The following SLC26A7 variants were observed in gnomAD, a reference collection of about 807,000 sequenced individuals.
SLC26A7 encodes the protein solute carrier family 26 member 7, also known as anion exchange transporter.
A neutral mutation model predicts 82.5 loss-of-function variants in SLC26A7; 59 were observed. The observed-to-expected ratio is 0.72, with a 90% confidence interval of 0.58 to 0.89. The LOEUF is 0.89. SLC26A7 is among the 40% of genes least tolerant of loss of function. SLC26A7 has a pLI of 0.00. For missense variants in SLC26A7, 820 were observed against 793.0 expected, an observed-to-expected ratio of 1.03 and a Z score of -0.41; for synonymous variants, 271 against 274.3, an observed-to-expected ratio of 0.99 and a Z score of 0.12.
intron 1 of SLC26A7, among the ~76,000 whole-genome samples, chr8:91,216,840 T>C (rs1038314363): frequency 6.6e-6 from 1 of 152,146 alleles, no homozygotes; most frequent in African/African-American, 2.4e-5. Context: ...TATCCCATGA[T>C]TTAACATTTT....
chr8:91,328,044 T>A (rs937101564), intron 5 of SLC26A7, among the ~76,000 whole-genome samples: 2 of 152,152 alleles, frequency 1.3e-5, no homozygotes, highest in African/African-American at 4.8e-5. Flanking sequence ...AAGTAATGTT[T>A]TGATTAATAG....
chr8:91,394,252 T>C (rs773939550), intron 18 of SLC26A7: 9 of 1,613,424 alleles, frequency 5.6e-6, no homozygotes, highest in Non-Finnish European at 7.6e-6. Flanking sequence ...AACTTGGATC[T>C]TCCAACAATG....
At chr8:91,225,468 C>G (rs1293205151) in intron 2 of SLC26A7, among the ~76,000 whole-genome samples, 1 of 151,872 alleles carries the variant, frequency 6.6e-6, no homozygotes, top group African/African-American at 2.4e-5. Flanking sequence ...ACTGCTCTTC[C>G]TTCTCTCGTG....
At chr8:91,221,218 TGG>T (rs1174625527) in intron 2 of SLC26A7, among the ~76,000 whole-genome samples, 2 of 152,198 alleles carry the variant, frequency 1.3e-5, no homozygotes, top group Non-Finnish European at 2.9e-5. Context: ...ATGGGGTTGT[TGG>T]TCTTTTTCTT....
intron 5 of SLC26A7, among the ~76,000 whole-genome samples, chr8:91,319,504 C>A (rs531957108): frequency 6.6e-6 from 1 of 152,158 alleles, no homozygotes; most frequent in African/African-American, 2.4e-5. Flanking sequence ...GATCTGAATT[C>A]GTATTTCTTA....
upstream of SLC26A7, among the ~76,000 whole-genome samples, chr8:91,248,211 G>T (rs964720793): frequency 6.6e-5 from 10 of 152,028 alleles, no homozygotes; most frequent in African/African-American, 2.4e-4. Flanking sequence ...TTTCTATTTT[G>T]TAAGTATAAA....
At chr8:91,390,789 A>G (rs970521315) in intron 16 of SLC26A7, among the ~76,000 whole-genome samples, 3 of 152,200 alleles carry the variant, frequency 2.0e-5, no homozygotes, top group African/African-American at 4.8e-5. Flanking sequence ...TCATCATGCC[A>G]GGACCCAGAA....
chr8:91,233,736 G>A (rs1409068870), intron 2 of SLC26A7, among the ~76,000 whole-genome samples: 1 of 152,160 alleles, frequency 6.6e-6, no homozygotes, highest in Non-Finnish European at 1.5e-5. Flanking sequence ...AGCTACCTCT[G>A]TTTTAGTTCA....
At chr8:91,312,032 A>AT (rs1298997473) in intron 4 of SLC26A7, among the ~76,000 whole-genome samples, 2 of 152,084 alleles carry the variant, frequency 1.3e-5, no homozygotes, top group Admixed American at 1.3e-4. Context: ...CCAAATTTTT[A>AT]TTTTTCTTTC....
intron 1 of SLC26A7, among the ~76,000 whole-genome samples, chr8:91,217,529 GC>G (rs552890374): frequency 5.9e-4 from 90 of 152,236 alleles, no homozygotes; most frequent in African/African-American, 2.2e-3. Flanking sequence ...GAACTGTCTT[GC>G]CTTATGTGCT....
chr8:91,345,132 C>A (rs1386494753), intron 9 of SLC26A7, among the ~76,000 whole-genome samples: 3 of 151,046 alleles, frequency 2.0e-5, no homozygotes, highest in African/African-American at 7.3e-5. Flanking sequence ...AATTTTAGTA[C>A]AGATAATGGT....
chr8:91,287,684 T>G (rs1014522154), intron 2 of SLC26A7, among the ~76,000 whole-genome samples: 2 of 152,244 alleles, frequency 1.3e-5, no homozygotes, highest in East Asian at 3.8e-4. Flanking sequence ...ATCAGGTAAC[T>G]TATTCTGAAA....
chr8:91,384,206 C>A lies in SLC26A7; in HGVS notation c.1676-5132C>A, dbSNP rs117305882. Among the ~76,000 whole-genome samples, 63 of 152,226 alleles carry A rather than the reference C, an allele frequency of 4.1e-4. No individual in the cohort carries two copies. In the East Asian group the frequency reaches 0.012, roughly 28 times the overall value. On this transcript the variant is annotated intron_variant, in intron 15 of 18. Coordinates refer to ENST00000276609, the MANE Select transcript of SLC26A7 (RefSeq NM_052832.4). ...TCCTTCTGGAGGGTCTAGAGGAGAA[C>A]TCATATCCTTGCCCTTTCCAACTTT...
chr8:91,244,396 C>T (rs527684275), upstream of SLC26A7, among the ~76,000 whole-genome samples: 1 of 150,278 alleles, frequency 6.7e-6, no homozygotes, highest in Non-Finnish European at 1.5e-5. Context: ...CTCTTTCCCT[C>T]TTTTCATTCT....
At chr8:91,269,089 T>C (rs1811195790) in intron 2 of SLC26A7, among the ~76,000 whole-genome samples, 1 of 152,080 alleles carries the variant, frequency 6.6e-6, no homozygotes, top group South Asian at 2.1e-4. Context: ...GTTTTGTTTT[T>C]TAGTTTTCAT....
At chr8:91,331,089 A>T (rs1382464884) in intron 5 of SLC26A7, among the ~76,000 whole-genome samples, 1 of 151,938 alleles carries the variant, frequency 6.6e-6, no homozygotes, top group African/African-American at 2.4e-5. Flanking sequence ...ATCTCTTCTC[A>T]GTCATTTTGG....
chr8:91,351,924 T>C, intron 10 of SLC26A7, 37 bp downstream of exon 10: 1 of 1,416,884 alleles, frequency 7.1e-7, no homozygotes, highest in South Asian at 1.2e-5. Context: ...CTTTTTAATT[T>C]AACTTTTCAT....
intron 5 of SLC26A7, among the ~76,000 whole-genome samples, chr8:91,329,566 A>T (rs1813022496): frequency 6.6e-6 from 1 of 152,106 alleles, no homozygotes; most frequent in South Asian, 2.1e-4. Context: ...CTGCAAACAC[A>T]TGTTCTCAAA....
intron 2 of SLC26A7, among the ~76,000 whole-genome samples, chr8:91,286,811 A>G (rs1364366234): frequency 6.6e-6 from 1 of 152,196 alleles, no homozygotes; most frequent in African/African-American, 2.4e-5. Context: ...ATGCTCATGT[A>G]TGAGACTATG....
Sources: gnomAD v4.1 joint callset for allele counts (sites outside exome capture counted in the v4.1 genomes callset) on GRCh38, gnomAD v4.1.1 for gene constraint, MANE v1.5 for transcripts, NCBI Gene and HGNC (gene_info 2026-07-23, HGNC 2026-07-21) for gene names.